LUZP2: variants seen among roughly 807,000 people sequenced by gnomAD.
LUZP2 encodes leucine zipper protein 2.
LUZP2 carries 52 observed loss-of-function variants against 51.6 expected under a neutral mutation model. That is an observed-to-expected ratio of 1.01 (90% CI 0.81 to 1.27). The LOEUF (loss-of-function observed/expected upper bound fraction) is 1.27. Among genes scored for constraint, LUZP2 ranks in the 50% most tolerant of loss-of-function variants. LUZP2 has a pLI of 0.00. For missense variants in LUZP2, 436 were observed against 395.4 expected, an observed-to-expected ratio of 1.10 and a Z score of -0.87; for synonymous variants, 154 against 137.3, an observed-to-expected ratio of 1.12 and a Z score of -0.85.
intron 1 of LUZP2, among the ~76,000 whole-genome samples, chr11:24,623,615 G>T (rs1357728039): frequency 6.6e-6 from 1 of 152,116 alleles, no homozygotes; most frequent in African/African-American, 2.4e-5. Context: ...GGAGGCCAAG[G>T]CAGGCAGATT....
intron 1 of LUZP2, among the ~76,000 whole-genome samples, chr11:24,566,975 A>AATG: frequency 9.6e-6 from 1 of 103,956 alleles, no homozygotes; most frequent in South Asian, 3.0e-4. Context: ...ATAAATATGT[A>AATG]TATATATAAT....
chr11:24,574,375 T>C (rs1226807917), intron 1 of LUZP2, among the ~76,000 whole-genome samples: 2 of 103,722 alleles, frequency 1.9e-5, no homozygotes, highest in African/African-American at 3.2e-5. Context: ...CCTTCCTTCC[T>C]TCTTTTCTTC....
rs529813292 is a variant in LUZP2, at chr11:25,006,570, G to A, written c.765+23277G>A. 5.8e-4 allele frequency among the ~76,000 whole-genome samples: 88 copies of A among 152,206 alleles called. No individual in the cohort carries two copies. The South Asian group carries it at 9.5e-3, about 17-fold the overall frequency. ...CTGACACCCGTGTCTTTAGTCCAGC[G>A]GCCACACTAGTCGCTTTTAACTGGC... On this transcript the variant is annotated intron_variant, in intron 9 of 11. Coordinates refer to ENST00000336930, the MANE Select transcript of LUZP2 (RefSeq NM_001009909.4).
rs144173640 is a variant in LUZP2, at chr11:24,661,042, G to A, written c.63-68127G>A. On this transcript the variant is annotated intron_variant, in intron 1 of 11. Coordinates refer to ENST00000336930, the MANE Select transcript of LUZP2 (RefSeq NM_001009909.4). Reference sequence around the variant, plus strand: ...ATTTTACTCTCTCAAAAGAATTGAAGCCATATCGTTATGAAAGAAGTATAT... The same window carrying A: ...ATTTTACTCTCTCAAAAGAATTGAAACCATATCGTTATGAAAGAAGTATAT... 9.7e-3 allele frequency among the ~76,000 whole-genome samples: 1,473 copies of A among 152,162 alleles called. 23 individuals carry two copies. The highest frequency in any genetic ancestry group is 0.033 in the African/African-American group (1,371 of 41,524).
intron 10 of LUZP2, among the ~76,000 whole-genome samples, chr11:25,055,652 C>T (rs1858667351): frequency 6.6e-6 from 1 of 152,082 alleles, no homozygotes; most frequent in Non-Finnish European, 1.5e-5. Context: ...TCTAATTTCG[C>T]TTATCAGTCT....
Position 25,036,826 on chromosome 11 carries a change from G to C in LUZP2, c.766-13212G>C, listed in dbSNP as rs150599902. On this transcript the variant is annotated intron_variant, in intron 9 of 11. Transcript: ENST00000336930. ...TGCACTGGGGTCCAGGAGTGTGCTT[G>C]GTATAATTTCATTTTTAAAAAAAAA... Among the ~76,000 whole-genome samples, 665 of 151,912 alleles carry C rather than the reference G, an allele frequency of 4.4e-3. 9 individuals are homozygous for C. The highest frequency in any genetic ancestry group is 0.015 in the African/African-American group (626 of 41,460).
chr11:24,689,554 TAG>T (rs1226969788), intron 1 of LUZP2, among the ~76,000 whole-genome samples: 2 of 152,132 alleles, frequency 1.3e-5, no homozygotes, highest in African/African-American at 2.4e-5. Flanking sequence ...ATTTCTATTT[TAG>T]AGAGCCAGTT....
chr11:24,663,900 T>C (rs563752035), intron 1 of LUZP2, among the ~76,000 whole-genome samples: 5 of 152,302 alleles, frequency 3.3e-5, no homozygotes, highest in African/African-American at 7.2e-5. Context: ...ACCACCATGA[T>C]TGTAAGTTCC....
At chr11:25,014,583 T>C (rs934926073) in intron 9 of LUZP2, among the ~76,000 whole-genome samples, 5 of 152,206 alleles carry the variant, frequency 3.3e-5, no homozygotes, top group African/African-American at 1.2e-4. Flanking sequence ...CTTCGCCCAC[T>C]TGTTGATGGG....
At chr11:24,665,609 C>T (rs1464100462) in intron 1 of LUZP2, among the ~76,000 whole-genome samples, 2 of 152,062 alleles carry the variant, frequency 1.3e-5, no homozygotes, top group African/African-American at 4.8e-5. Flanking sequence ...GGGGGCATTT[C>T]CCCCCATGCT....
At chr11:24,751,555 G>C in intron 4 of LUZP2, 1 of 977,710 alleles carries the variant, frequency 1.0e-6, no homozygotes, top group East Asian at 1.1e-4. Context: ...GAGGAAGGGT[G>C]GAGTCGTAGT....
At chr11:24,675,055 G>T (rs929443868) in intron 1 of LUZP2, among the ~76,000 whole-genome samples, 1 of 152,182 alleles carries the variant, frequency 6.6e-6, no homozygotes, top group Admixed American at 6.5e-5. Flanking sequence ...TTTGAAATCT[G>T]CCTCCTTAAA....
At chr11:24,891,102 A>T (rs1852840389) in intron 5 of LUZP2, 1 of 983,252 alleles carries the variant, frequency 1.0e-6, no homozygotes, top group Non-Finnish European at 1.2e-6. Context: ...ATGCAGTGAG[A>T]AAAGAAATAC....
intron 5 of LUZP2, among the ~76,000 whole-genome samples, chr11:24,798,408 C>T (rs1215512522): frequency 2.0e-5 from 3 of 152,098 alleles, no homozygotes; most frequent in Non-Finnish European, 4.4e-5. Context: ...TGTTGCTCAG[C>T]GTGGTCTCTA....
chr11:24,996,878 T>C lies in LUZP2; in HGVS notation c.765+13585T>C, dbSNP rs559317755. 1.9e-4 allele frequency among the ~76,000 whole-genome samples: 29 copies of C among 152,064 alleles called. No homozygotes were observed. The East Asian group carries it at 3.7e-3, about 19-fold the overall frequency. On this transcript the variant is annotated intron_variant, in intron 9 of 11. Coordinates refer to ENST00000336930, the MANE Select transcript of LUZP2 (RefSeq NM_001009909.4). ...GTAAGAATATGCGGTGTTTGGTTTTTTGTTCTTGCGATAGTTTACTGAGAA... is the reference window on the plus strand; with the variant it reads ...GTAAGAATATGCGGTGTTTGGTTTTCTGTTCTTGCGATAGTTTACTGAGAA...
At chr11:24,820,799 A>C (rs1355807126) in intron 5 of LUZP2, among the ~76,000 whole-genome samples, 1 of 152,116 alleles carries the variant, frequency 6.6e-6, no homozygotes, top group Non-Finnish European at 1.5e-5. Context: ...CAGGCTGATG[A>C]TGTGGAAGGC....
At position 25,072,373 on chromosome 11, in the gene LUZP2, A is replaced by G. The variant is rs557524156; in HGVS notation, c.859-4956A>G. Among the ~76,000 whole-genome samples, 13 of 152,222 alleles carry G rather than the reference A, an allele frequency of 8.5e-5. No homozygotes were observed. In the South Asian group the frequency reaches 2.7e-3, roughly 32 times the overall value. ...TCAGTCAGTGCCTGGCTCATAATAG[A>G]AATTCAGTAAATGTTTGTGGAATGA... is the stretch of plus-strand genomic sequence containing the variant. On this transcript the variant is annotated intron_variant, in intron 10 of 11. Coordinates refer to ENST00000336930, the MANE Select transcript of LUZP2 (RefSeq NM_001009909.4).
chr11:24,883,258 A>G (rs1017338911), intron 5 of LUZP2, among the ~76,000 whole-genome samples: 2 of 151,944 alleles, frequency 1.3e-5, no homozygotes, highest in African/African-American at 2.4e-5. Flanking sequence ...GTAGGAAGAA[A>G]ATTTGTTCTC....
chr11:24,711,198 C>T (rs1857802741), intron 1 of LUZP2, among the ~76,000 whole-genome samples: 1 of 152,050 alleles, frequency 6.6e-6, no homozygotes, highest in South Asian at 2.1e-4. Flanking sequence ...GCCTGTAATC[C>T]CAGCACTTTG....
Sources: allele counts gnomAD v4.1 joint callset (sites outside exome capture counted in the v4.1 genomes callset), GRCh38; gene constraint gnomAD v4.1.1; transcripts MANE v1.5; gene names NCBI Gene and HGNC (gene_info 2026-07-23, HGNC 2026-07-21).